ZBTB20: variants seen among roughly 807,000 people sequenced by gnomAD.
ZBTB20 encodes the protein zinc finger and BTB domain-containing protein 20.
A neutral mutation model predicts 56.9 loss-of-function variants in ZBTB20; 9 were observed. The observed-to-expected ratio is 0.16, with a 90% CI of 0.10 to 0.28. The LOEUF (loss-of-function observed/expected upper bound fraction) is 0.28. Among genes scored for constraint, ZBTB20 ranks in the 10% least tolerant of loss-of-function variants. The pLI, the probability that ZBTB20 is intolerant of heterozygous loss-of-function variation, is 1.00. For synonymous variants in ZBTB20, 417 were observed against 420.7 expected (o/e 0.99, Z 0.11); for missense variants, 655 against 1,003.0 (o/e 0.65, Z 4.69).
At chr3:114,953,536 C>A (rs1405346444) in intron 3 of ZBTB20, among the ~76,000 whole-genome samples, 2 of 151,524 alleles carry the variant, frequency 1.3e-5, no homozygotes, top group South Asian at 2.1e-4. Context: ...CTGCAAACTC[C>A]AATTATAATA....
At chr3:114,464,109 A>G (rs2092441721) in intron 7 of ZBTB20, among the ~76,000 whole-genome samples, 1 of 152,198 alleles carries the variant, frequency 6.6e-6, no homozygotes, top group Non-Finnish European at 1.5e-5. Context: ...CGCTGCCTTC[A>G]GTACAGTGGT....
At chr3:115,107,644 T>C (rs2083761393) in intron 1 of ZBTB20, among the ~76,000 whole-genome samples, 1 of 152,186 alleles carries the variant, frequency 6.6e-6, no homozygotes, top group South Asian at 2.1e-4. Context: ...CATTACTGGG[T>C]ATATACCCAA....
intron 6 of ZBTB20, among the ~76,000 whole-genome samples, chr3:114,613,197 G>A (rs914024841): frequency 6.6e-6 from 1 of 152,134 alleles, no homozygotes; most frequent in African/African-American, 2.4e-5. Context: ...CTGGTATTAA[G>A]GGTTTTGTAT....
At chr3:114,796,919 AGTCAT>A (rs1009524580) in intron 5 of ZBTB20, among the ~76,000 whole-genome samples, 6 of 151,912 alleles carry the variant, frequency 3.9e-5, no homozygotes, top group Non-Finnish European at 7.4e-5. Context: ...AAATAATTGA[AGTCAT>A]GTAACTCTGA....
intron 1 of ZBTB20, among the ~76,000 whole-genome samples, chr3:115,141,707 T>C (rs936672496): frequency 1.3e-5 from 2 of 152,202 alleles, no homozygotes; most frequent in African/African-American, 2.4e-5. Context: ...AACCTTTCTT[T>C]GTCTCTATCA....
intron 10 of ZBTB20, chr3:114,375,779 GT>G (rs2083548799): frequency 6.6e-6 from 1 of 152,078 alleles, no homozygotes; most frequent in Admixed American, 6.5e-5. Context: ...CTTCCATTTT[GT>G]TTTCCCCCTA....
chr3:114,639,484 T>G (rs1227138760), intron 6 of ZBTB20, among the ~76,000 whole-genome samples: 2 of 48,874 alleles, frequency 4.1e-5, no homozygotes, highest in Non-Finnish European at 7.5e-5. Flanking sequence ...TTTTTTTTTC[T>G]CTCCTAGAGA....
At chr3:114,823,967 C>T (rs2073387938) in intron 4 of ZBTB20, among the ~76,000 whole-genome samples, 2 of 151,920 alleles carry the variant, frequency 1.3e-5, no homozygotes, top group South Asian at 4.1e-4. Flanking sequence ...AACCAGCAAA[C>T]ATATTTAGGG....
chr3:114,890,439 C>T (rs1365411929), intron 4 of ZBTB20, among the ~76,000 whole-genome samples: 3 of 152,128 alleles, frequency 2.0e-5, no homozygotes, highest in South Asian at 2.1e-4. Flanking sequence ...ATAGGATGGT[C>T]TGAGTAGCGT....
rs1445267115 is a variant in ZBTB20 at position 114,635,421 on chromosome 3, CAAAG to C, written c.-295+58103_-295+58106del. Among the ~76,000 whole-genome samples, 4 of 152,176 alleles carry C rather than the reference CAAAG, an allele frequency of 2.6e-5. No homozygotes were observed. In the East Asian group the frequency reaches 5.8e-4, roughly 22 times the overall value. ...TCACAAAGAAAATCTACAAGGAACA[CAAAG>C]AGTCATCTCCAATAACCATCCTGAA... On this transcript the variant is annotated intron_variant, in intron 6 of 11. Coordinates refer to ENST00000675478, the MANE Select transcript of ZBTB20 (RefSeq NM_001348800.3).
chr3:114,474,709 T>A (rs774787563), intron 7 of ZBTB20, among the ~76,000 whole-genome samples: 1 of 152,162 alleles, frequency 6.6e-6, no homozygotes, highest in African/African-American at 2.4e-5. Flanking sequence ...TCTACTAAGG[T>A]TCAAAATCAT....
chr3:114,506,381 T>C (rs1409912393), intron 6 of ZBTB20, among the ~76,000 whole-genome samples: 1 of 152,060 alleles, frequency 6.6e-6, no homozygotes, highest in African/African-American at 2.4e-5. Flanking sequence ...TAACACTCCA[T>C]CCCACCCCAT....
chr3:114,619,162 T>C (rs2058143208), intron 6 of ZBTB20, among the ~76,000 whole-genome samples: 1 of 152,188 alleles, frequency 6.6e-6, no homozygotes. Flanking sequence ...GGAGATGTTC[T>C]CCATTAGTGT....
intron 6 of ZBTB20, among the ~76,000 whole-genome samples, chr3:114,527,062 T>A (rs775802507): frequency 6.6e-6 from 1 of 152,180 alleles, no homozygotes; most frequent in East Asian, 1.9e-4. Context: ...AGCTGCTCTA[T>A]GAAAACGGCA....
intron 4 of ZBTB20, among the ~76,000 whole-genome samples, chr3:114,817,192 T>TACACAC (rs56294507): frequency 0.043 from 6,330 of 145,738 alleles, 224 homozygotes; most frequent in African/African-American, 0.1. Context: ...ATACAACTTA[T>TACACAC]ACACACACAC....
intron 3 of ZBTB20, among the ~76,000 whole-genome samples, chr3:114,914,759 G>GT (rs555516253): frequency 0.021 from 3,034 of 147,454 alleles, 92 homozygotes; most frequent in African/African-American, 0.069. Flanking sequence ...TTTTTTGAGG[G>GT]TTTTTTTTTT....
chr3:114,368,817 A>T (rs1401470629), intron 10 of ZBTB20, among the ~76,000 whole-genome samples: 1 of 152,228 alleles, frequency 6.6e-6, no homozygotes, highest in Admixed American at 6.5e-5. Flanking sequence ...AGGATTACTT[A>T]GGCCACTTCA....
At chr3:114,956,804 C>G (rs775894921) in intron 3 of ZBTB20, among the ~76,000 whole-genome samples, 4 of 152,170 alleles carry the variant, frequency 2.6e-5, no homozygotes, top group Admixed American at 1.3e-4. Flanking sequence ...AAATCATTAT[C>G]GAACAGCTTA....
Position 114,632,144 on chromosome 3 carries a change from G to T in ZBTB20, c.-295+61384C>A, listed in dbSNP as rs116264073. On this transcript the variant is annotated intron_variant, in intron 6 of 11. Coordinates refer to ENST00000675478, the MANE Select transcript of ZBTB20 (RefSeq NM_001348800.3). ...TATCTGTTCTCACTATTATGGAAGGGGTCTACTTGTTACCTCACAGTTGTG... is the reference window on the plus strand; with the variant it reads ...TATCTGTTCTCACTATTATGGAAGGTGTCTACTTGTTACCTCACAGTTGTG... Among the ~76,000 whole-genome samples, 1,406 of 152,206 alleles carry T rather than the reference G, an allele frequency of 9.2e-3. 15 individuals are homozygous for T. The highest frequency in any genetic ancestry group is 0.032 in the African/African-American group (1,333 of 41,516).
Sources: allele counts gnomAD v4.1 joint callset (sites outside exome capture counted in the v4.1 genomes callset), GRCh38; gene constraint gnomAD v4.1.1; transcripts MANE v1.5; gene names NCBI Gene and HGNC (gene_info 2026-07-23, HGNC 2026-07-21).